The following TWIST2 variants were observed in gnomAD, a reference collection of about 807,000 sequenced individuals.
TWIST2 encodes twist-related protein 2.
A neutral mutation model predicts 11.6 loss-of-function variants in TWIST2; 1 was observed. The observed-to-expected ratio is 0.09, with a 90% confidence interval of 0.03 to 0.41. The LOEUF is 0.41. TWIST2 is among the 10% of genes least tolerant of loss of function. TWIST2 has a pLI of 0.98. For synonymous variants in TWIST2, 87 were observed against 96.6 expected (o/e 0.90, Z 0.58); for missense variants, 168 against 226.4 (o/e 0.74, Z 1.66).
intron 1 of TWIST2, among the ~76,000 whole-genome samples, chr2:238,880,141 G>T (rs1692883397): frequency 6.6e-6 from 1 of 151,844 alleles, no homozygotes; most frequent in South Asian, 2.1e-4. Context: ...TAGTGTGTTA[G>T]TGTTAGTGTT....
intron 1 of TWIST2, among the ~76,000 whole-genome samples, chr2:238,908,175 C>A (rs1346595531): frequency 6.6e-6 from 1 of 151,128 alleles, no homozygotes; most frequent in African/African-American, 2.4e-5. Context: ...ATATACATAC[C>A]CCACACCACA....
At chr2:238,876,066 A>G (rs1692799609) in intron 1 of TWIST2, among the ~76,000 whole-genome samples, 1 of 152,166 alleles carries the variant, frequency 6.6e-6, no homozygotes, top group Admixed American at 6.5e-5. Context: ...CAGAAAGGAA[A>G]TCTGTCTCAG....
chr2:238,854,974 G>A (rs1256606944), intron 1 of TWIST2, among the ~76,000 whole-genome samples: 1 of 152,210 alleles, frequency 6.6e-6, no homozygotes, highest in African/African-American at 2.4e-5. Flanking sequence ...AGTGGTTCGT[G>A]TGGCCGGTGC....
chr2:238,848,770 G>C, intron 1 of TWIST2, 37 bp downstream of exon 1: 1 of 1,320,794 alleles, frequency 7.6e-7, no homozygotes, highest in Non-Finnish European at 9.6e-7. Context: ...CCTCCGCTGC[G>C]GGGGGCGGGC....
intron 1 of TWIST2, among the ~76,000 whole-genome samples, chr2:238,891,049 C>T (rs1279195411): frequency 1.3e-5 from 2 of 152,246 alleles, no homozygotes; most frequent in South Asian, 2.1e-4. Context: ...GTCCAGCTCT[C>T]AGTTCTGCAG....
chr2:238,891,823 C>T (rs1434045210), intron 1 of TWIST2, among the ~76,000 whole-genome samples: 3 of 152,146 alleles, frequency 2.0e-5, no homozygotes, highest in Non-Finnish European at 4.4e-5. Context: ...CCTCTGTTTG[C>T]TCCTAGAGAC....
At chr2:238,906,339 C>G (rs1320700102) in intron 1 of TWIST2, among the ~76,000 whole-genome samples, 1 of 151,802 alleles carries the variant, frequency 6.6e-6, no homozygotes, top group Non-Finnish European at 1.5e-5. Context: ...TGCTTACACA[C>G]ACACACTGAC....
At chr2:238,892,924 G>A (rs1429592703) in intron 1 of TWIST2, among the ~76,000 whole-genome samples, 1 of 152,196 alleles carries the variant, frequency 6.6e-6, no homozygotes, top group Non-Finnish European at 1.5e-5. Context: ...TTTTATTCAT[G>A]TGGTGCAGAA....
Position 238,862,972 on chromosome 2 carries a change from A to T in TWIST2, c.*35+14239A>T, listed in dbSNP as rs551272908. ...TGCATGCACGGGTGTGTTTGTCTGG[A>T]GAGACAGTGGCAAGAATGAATGTCT... On this transcript the variant is annotated intron_variant, in intron 1 of 1. Coordinates refer to ENST00000612363, the MANE Select transcript of TWIST2 (RefSeq NM_001271893.4). Among the ~76,000 whole-genome samples, 67 of 152,062 alleles carry T rather than the reference A, an allele frequency of 4.4e-4. No individual in the cohort carries two copies. The East Asian group carries it at 0.012, about 28-fold the overall frequency.
At chr2:238,889,459 T>A (rs1482311142) in intron 1 of TWIST2, among the ~76,000 whole-genome samples, 3 of 152,196 alleles carry the variant, frequency 2.0e-5, no homozygotes, top group Non-Finnish European at 4.4e-5. Flanking sequence ...ACCAGATATA[T>A]AAATATCAAA....
chr2:238,893,256 A>G (rs1160408843), intron 1 of TWIST2, among the ~76,000 whole-genome samples: 1 of 152,222 alleles, frequency 6.6e-6, no homozygotes, highest in Non-Finnish European at 1.5e-5. Flanking sequence ...AGACTGCCCA[A>G]TAAAACATTT....
chr2:238,875,899 G>GA (rs999326439), intron 1 of TWIST2, among the ~76,000 whole-genome samples: 3 of 152,240 alleles, frequency 2.0e-5, no homozygotes, highest in African/African-American at 7.2e-5. Flanking sequence ...ATGCAATAGA[G>GA]AAAAAATAAA....
chr2:238,904,158 G>A (rs1439804864), intron 1 of TWIST2, among the ~76,000 whole-genome samples: 1 of 55,398 alleles, frequency 1.8e-5, no homozygotes, highest in African/African-American at 6.1e-5. Context: ...GTGTGATGTG[G>A]GGTGTGTGTG....
Position 238,900,986 on chromosome 2 carries a change from C to CTTT in TWIST2, c.*36-8843_*36-8841dup, listed in dbSNP as rs1248385207. 1.4e-3 allele frequency among the ~76,000 whole-genome samples: 190 copies of CTTT among 139,660 alleles called. 1 individual carries two copies. The highest frequency in any genetic ancestry group is 4.7e-3 in the African/African-American group (177 of 37,356). The allele number at this position is 139,660 out of a possible 152,430, so 91.6% of individuals were successfully genotyped here. On this transcript the variant is annotated intron_variant, in intron 1 of 1. Transcript: ENST00000612363. ...CCTATCCCTTCTCCTTCCCCCCCGG[C>CTTT]TTTTTTTTTTTTTTTCTGAGTCTCA...
intron 1 of TWIST2, among the ~76,000 whole-genome samples, chr2:238,857,524 C>A (rs528965551): frequency 6.6e-6 from 1 of 152,158 alleles, no homozygotes; most frequent in South Asian, 2.1e-4. Context: ...GCCACTGCTG[C>A]GGTTTGCAGA....
rs187903560 is a variant in TWIST2 at position 238,852,273 on chromosome 2, A to C, written c.*35+3540A>C. ...AGCCAATTTTAAAGGCTGAACTTTT[A>C]TGACGGTTTTTAAGCTTAGTATTTA... On this transcript the variant is annotated intron_variant, in intron 1 of 1. Coordinates refer to ENST00000612363, the MANE Select transcript of TWIST2 (RefSeq NM_001271893.4). 2.6e-5 allele frequency among the ~76,000 whole-genome samples: 4 copies of C among 152,360 alleles called. No individual in the cohort carries two copies. In the East Asian group the frequency reaches 7.7e-4, roughly 29 times the overall value.
rs908686175 is a variant in TWIST2, at chr2:238,864,067, A to T, written c.*35+15334A>T. 1.3e-5 allele frequency among the ~76,000 whole-genome samples: 2 copies of T among 152,034 alleles called. No homozygotes were observed. The highest frequency in any genetic ancestry group is 1.3e-4 in the Admixed American group (2 of 15,268). On this transcript the variant is annotated intron_variant, in intron 1 of 1. Transcript: ENST00000612363. This position sits in a 1 kb window ranked among gnomAD's most constrained non-coding sequence, Gnocchi z 4.7. Reference sequence around the variant, plus strand: ...TTTCGTTAAGCCTGTCTTCCTTTACACCCTGGGCTACATTTGACGCATATT... The same window carrying T: ...TTTCGTTAAGCCTGTCTTCCTTTACTCCCTGGGCTACATTTGACGCATATT...
At chr2:238,875,422 G>A (rs369599596) in intron 1 of TWIST2, among the ~76,000 whole-genome samples, 2 of 152,212 alleles carry the variant, frequency 1.3e-5, no homozygotes, top group Admixed American at 6.5e-5. Context: ...TCTCTCTAGC[G>A]GAAAATGGAT....
At chr2:238,894,591 C>G (rs1693185835) in intron 1 of TWIST2, among the ~76,000 whole-genome samples, 1 of 152,222 alleles carries the variant, frequency 6.6e-6, no homozygotes, top group Non-Finnish European at 1.5e-5. Flanking sequence ...TGTGGCCCCC[C>G]AAACCTTTCC....
Sources: gnomAD v4.1 joint callset for allele counts (sites outside exome capture counted in the v4.1 genomes callset) on GRCh38, gnomAD v4.1.1 for gene constraint, Gnocchi (gnomAD v3.1) non-coding constraint, MANE v1.5 for transcripts, NCBI Gene and HGNC (gene_info 2026-07-23, HGNC 2026-07-21) for gene names.